The following LUZP2 variants were observed in gnomAD, a reference collection of about 807,000 sequenced individuals.
LUZP2 encodes leucine zipper protein 2.
In LUZP2, 52 loss-of-function variants were observed where a neutral mutation model predicts 51.6. The ratio of observed to expected loss-of-function variants is 1.01; its 90% CI spans 0.81 to 1.27. The LOEUF (loss-of-function observed/expected upper bound fraction) is 1.27, where lower values mean the gene tolerates loss of function less well. Ranked by LOEUF, LUZP2 falls within the 50% of genes most tolerant of loss-of-function variation. The pLI, the probability that LUZP2 is intolerant of heterozygous loss-of-function variation, is 0.00. For missense variants in LUZP2, 436 were observed against 395.4 expected (o/e 1.10, Z -0.87); for synonymous variants, 154 against 137.3 (o/e 1.12, Z -0.85).
intron 7 of LUZP2, among the ~76,000 whole-genome samples, chr11:24,974,046 C>A (rs536598639): frequency 1.3e-5 from 2 of 151,928 alleles, no homozygotes; most frequent in Non-Finnish European, 2.9e-5. Context: ...TAATGTCTCC[C>A]ACTATTATTG....
In LUZP2 at chr11:24,949,974, T is replaced by C. The variant is rs1222833236; in HGVS notation, c.523-26617T>C. On this transcript the variant is annotated intron_variant, in intron 7 of 11. Coordinates refer to ENST00000336930, the MANE Select transcript of LUZP2 (RefSeq NM_001009909.4). Reference sequence around the variant, plus strand: ...CTTTTTCTTTCTTTCTTTTCTTTTTTTTTTTTTTTTGAGATGGAGTCTTTA... The same window carrying C: ...CTTTTTCTTTCTTTCTTTTCTTTTTCTTTTTTTTTTGAGATGGAGTCTTTA... Among the ~76,000 whole-genome samples the C allele has an allele frequency of 3.6e-3, 534 of 150,156 alleles. 2 individuals are homozygous for C. Among genetic ancestry groups the C allele is most frequent in the Non-Finnish European group, 5.5e-3 (370 of 67,166 alleles).
intron 1 of LUZP2, among the ~76,000 whole-genome samples, chr11:24,693,515 T>A (rs556438404): frequency 1.3e-5 from 2 of 152,072 alleles, no homozygotes; most frequent in African/African-American, 2.4e-5. Context: ...AATCTATGTT[T>A]ATTAAAAATA....
chr11:24,800,847 A>AT lies in LUZP2; in HGVS notation c.396+37547dup, dbSNP rs201139164. Among the ~76,000 whole-genome samples, 128 of 152,012 alleles carry AT rather than the reference A, an allele frequency of 8.4e-4. 1 individual carries two copies. Among genetic ancestry groups the AT allele is most frequent in the Admixed American group, 2.3e-3 (35 of 15,254 alleles). ...TTTTTTCTAAAACCCTGCAAATGGC[A>AT]TTTTTTTTGTTTCATTGTAACCTAT... On this transcript the variant is annotated intron_variant, in intron 5 of 11. Transcript: ENST00000336930.
chr11:24,970,574 G>T (rs936664273), intron 7 of LUZP2, among the ~76,000 whole-genome samples: 10 of 152,090 alleles, frequency 6.6e-5, no homozygotes, highest in African/African-American at 2.4e-4. Context: ...TCAGAACTTC[G>T]CAAATTTAGC....
At chr11:25,007,352 T>C (rs1427946258) in intron 9 of LUZP2, among the ~76,000 whole-genome samples, 4 of 152,186 alleles carry the variant, frequency 2.6e-5, no homozygotes, top group Admixed American at 1.3e-4. Context: ...CCTGTAATCC[T>C]AGCACTTTGG....
At chr11:24,886,810 G>A (rs976720868) in intron 5 of LUZP2, among the ~76,000 whole-genome samples, 1 of 152,060 alleles carries the variant, frequency 6.6e-6, no homozygotes, top group African/African-American at 2.4e-5. Context: ...CTTTAATAAG[G>A]CATGCTATAA....
intron 9 of LUZP2, among the ~76,000 whole-genome samples, chr11:24,993,161 A>T (rs957994332): frequency 4.6e-5 from 7 of 152,142 alleles, no homozygotes; most frequent in African/African-American, 1.4e-4. Context: ...TATTACCATT[A>T]TCTGTCTGGA....
intron 9 of LUZP2, among the ~76,000 whole-genome samples, chr11:24,989,833 A>C (rs1231702893): frequency 6.6e-6 from 1 of 152,174 alleles, no homozygotes; most frequent in Admixed American, 6.6e-5. Context: ...AATAGAAAAC[A>C]AGATTTAAAC....
At chr11:24,640,887 G>A (rs944027935) in intron 1 of LUZP2, among the ~76,000 whole-genome samples, 4 of 151,382 alleles carry the variant, frequency 2.6e-5, no homozygotes, top group African/African-American at 9.8e-5. Flanking sequence ...AAAGTGTACT[G>A]CTTGTCCTAA....
intron 1 of LUZP2, among the ~76,000 whole-genome samples, chr11:24,663,383 G>C (rs1590315368): frequency 1.3e-5 from 2 of 152,248 alleles, no homozygotes; most frequent in East Asian, 3.9e-4. Flanking sequence ...ATGACTGCAA[G>C]TTTCCTGAGG....
intron 9 of LUZP2, among the ~76,000 whole-genome samples, chr11:24,989,579 T>C (rs569319922): frequency 2.6e-5 from 4 of 152,228 alleles, no homozygotes; most frequent in South Asian, 2.1e-4. Context: ...TATGTGGAGA[T>C]AGAACAGACA....
At chr11:24,513,635 G>A (rs1850378076) in intron 1 of LUZP2, among the ~76,000 whole-genome samples, 1 of 152,100 alleles carries the variant, frequency 6.6e-6, no homozygotes, top group African/African-American at 2.4e-5. Flanking sequence ...CTTTCTGACT[G>A]TCATTACTTA....
chr11:24,832,535 A>G (rs1055992040), intron 5 of LUZP2, among the ~76,000 whole-genome samples: 1 of 147,084 alleles, frequency 6.8e-6, no homozygotes, highest in Non-Finnish European at 1.5e-5. Flanking sequence ...TTAATGATCC[A>G]TTCTTTTGTC....
rs752131475 is a variant in LUZP2 at position 24,966,022 on chromosome 11, G to T, written c.523-10569G>T. 2.6e-4 allele frequency among the ~76,000 whole-genome samples: 40 copies of T among 151,812 alleles called. No individual in the cohort carries two copies. The South Asian group carries it at 7.0e-3, about 27-fold the overall frequency. Reference sequence around the variant, plus strand: ...TGGAGTAATTTTTAGATATTCTTAAGATAAGATAGTACACTTAAGTTTTCT... The same window carrying T: ...TGGAGTAATTTTTAGATATTCTTAATATAAGATAGTACACTTAAGTTTTCT... On this transcript the variant is annotated intron_variant, in intron 7 of 11. Coordinates refer to ENST00000336930, the MANE Select transcript of LUZP2 (RefSeq NM_001009909.4).
At chr11:24,944,403 T>A (rs1401807766) in intron 7 of LUZP2, among the ~76,000 whole-genome samples, 3 of 152,184 alleles carry the variant, frequency 2.0e-5, no homozygotes, top group African/African-American at 7.2e-5. Context: ...AAATGAAAAT[T>A]CTAAACATAT....
chr11:24,802,381 A>G (rs556537619), intron 5 of LUZP2, among the ~76,000 whole-genome samples: 1 of 152,052 alleles, frequency 6.6e-6, no homozygotes, highest in South Asian at 2.1e-4. Flanking sequence ...AGAACATTCT[A>G]CTACATGAGT....
chr11:24,587,515 T>G lies in LUZP2; in HGVS notation c.62+90210T>G, dbSNP rs80045589. On this transcript the variant is annotated intron_variant, in intron 1 of 11. Transcript: ENST00000336930. ...TTAGAGAAAGTTTGTGATCAGCCTA[T>G]GCCATGGGCTTTTCCACCTATAAAT... Among the ~76,000 whole-genome samples, 1,174 of 152,268 alleles carry G rather than the reference T, an allele frequency of 7.7e-3. 24 individuals are homozygous for G. In the East Asian group the frequency reaches 0.085, roughly 11 times the overall value.
intron 1 of LUZP2, among the ~76,000 whole-genome samples, chr11:24,585,375 G>T (rs10742044): frequency 0.53 from 80,565 of 151,980 alleles, 21,915 homozygotes; most frequent in African/African-American, 0.63. Context: ...ACTGAGACTT[G>T]CTTGTAAATC....
chr11:24,720,844 C>A (rs1173064609), intron 1 of LUZP2, among the ~76,000 whole-genome samples: 3 of 152,100 alleles, frequency 2.0e-5, no homozygotes, highest in Non-Finnish European at 4.4e-5. Flanking sequence ...GGACTACAGG[C>A]GCCCGCCACC....
Sources: gnomAD v4.1 joint callset for allele counts (sites outside exome capture counted in the v4.1 genomes callset) on GRCh38, gnomAD v4.1.1 for gene constraint, MANE v1.5 for transcripts, NCBI Gene and HGNC (gene_info 2026-07-23, HGNC 2026-07-21) for gene names.